Variants in NNMT observed in about 807,000 individuals in gnomAD.
NNMT encodes nicotinamide N-methyltransferase.
Under a neutral mutation model 11.7 loss-of-function variants are expected in NNMT, and 10 were observed. The observed-to-expected ratio is 0.85, with a 90% CI of 0.53 to 1.45. The LOEUF is 1.45. Ranked by LOEUF, NNMT falls within the 40% of genes most tolerant of loss-of-function variation. NNMT has a pLI of 0.00. For synonymous variants in NNMT, 143 were observed against 133.8 expected, an observed-to-expected ratio of 1.07 and a Z score of -0.48; for missense variants, 381 against 319.4, an observed-to-expected ratio of 1.19 and a Z score of -1.47.
intron 2 of NNMT, among the ~76,000 whole-genome samples, chr11:114,268,743 T>C (rs758855660): frequency 3.2e-5 from 4 of 126,500 alleles, no homozygotes; most frequent in African/African-American, 9.4e-5. Context: ...CACTCCAGCC[T>C]GGACGATGGA....
At chr11:114,296,238 AC>A, upstream of NNMT, 1 of 229,044 alleles carries the variant, frequency 4.4e-6, no homozygotes, top group East Asian at 8.5e-5. Context: ...CCTCTGGTCT[AC>A]AATCCCTGGC....
At chr11:114,309,415 C>G (rs1945527593) in intron 2 of NNMT, among the ~76,000 whole-genome samples, 1 of 152,174 alleles carries the variant, frequency 6.6e-6, no homozygotes, top group South Asian at 2.1e-4. Flanking sequence ...AGTGCTAAAA[C>G]TAGAAAAGTC....
At chr11:114,290,767 G>A (rs535400711) in intron 2 of NNMT, among the ~76,000 whole-genome samples, 1 of 152,176 alleles carries the variant, frequency 6.6e-6, no homozygotes, top group Non-Finnish European at 1.5e-5. Context: ...CTAGTGGCAA[G>A]CTTTTAGTTT....
intron 2 of NNMT, among the ~76,000 whole-genome samples, chr11:114,277,115 C>A (rs561648920): frequency 1.3e-5 from 2 of 152,030 alleles, no homozygotes; most frequent in African/African-American, 2.4e-5. Flanking sequence ...CCCAGCTACT[C>A]GGGAGGCTGA....
At chr11:114,263,664 G>GCCGTT (rs1197159800) in intron 2 of NNMT, among the ~76,000 whole-genome samples, 1 of 152,178 alleles carries the variant, frequency 6.6e-6, no homozygotes, top group Non-Finnish European at 1.5e-5. Context: ...TCCCCTGTAT[G>GCCGTT]CCGTTCAAAT....
At chr11:114,311,417 ATC>A (rs1400014823) in intron 2 of NNMT, among the ~76,000 whole-genome samples, 2 of 152,324 alleles carry the variant, frequency 1.3e-5, no homozygotes, top group African/African-American at 4.8e-5. Flanking sequence ...CAAAAACATG[ATC>A]TCTGTCAGAA....
chr11:114,304,029 A>G (rs1336698516), intron 2 of NNMT, among the ~76,000 whole-genome samples: 1 of 152,208 alleles, frequency 6.6e-6, no homozygotes, highest in East Asian at 1.9e-4. Flanking sequence ...AAATAATTTC[A>G]TACACCTTTT....
intron 2 of NNMT, chr11:114,262,945 G>A (rs556951342): frequency 6.6e-6 from 1 of 152,284 alleles, no homozygotes; most frequent in Admixed American, 6.5e-5. Flanking sequence ...GTAAGGGAAA[G>A]ATCTTCCCTA....
chr11:114,294,205 A>G (rs1009938929), upstream of NNMT, among the ~76,000 whole-genome samples: 1 of 152,110 alleles, frequency 6.6e-6, no homozygotes, highest in Admixed American at 6.6e-5. Flanking sequence ...GTTAGAGGCC[A>G]GGCGCAGTGG....
At chr11:114,305,947 T>C (rs894996039) in intron 2 of NNMT, among the ~76,000 whole-genome samples, 2 of 152,202 alleles carry the variant, frequency 1.3e-5, no homozygotes, top group African/African-American at 2.4e-5. Context: ...ATGGTTGAAC[T>C]AGTTTACAGT....
chr11:114,267,590 A>G (rs1945131665), intron 2 of NNMT, among the ~76,000 whole-genome samples: 1 of 152,212 alleles, frequency 6.6e-6, no homozygotes, highest in African/African-American at 2.4e-5. Flanking sequence ...ATAGAATAAT[A>G]TGATCAACCC....
rs949801704 is a variant in NNMT, at chr11:114,310,573, C to G, written c.363-1472C>G. 2.6e-5 allele frequency among the ~76,000 whole-genome samples: 4 copies of G among 152,366 alleles called. No individual in the cohort carries two copies. In the South Asian group the frequency reaches 8.3e-4, roughly 32 times the overall value. ...AACTGGAAATGGTCCCAGTGAAAGT[C>G]TCCCTCACTTGCTGGAATGTGGGGC... On this transcript the variant is annotated intron_variant, in intron 2 of 2. Coordinates refer to ENST00000299964, the MANE Select transcript of NNMT (RefSeq NM_006169.3).
chr11:114,261,987 C>G (rs1490020782), intron 1 of NNMT, among the ~76,000 whole-genome samples: 1 of 152,030 alleles, frequency 6.6e-6, no homozygotes, highest in African/African-American at 2.4e-5. Flanking sequence ...AGGCAGGCCT[C>G]GAAGGGTTTG....
At chr11:114,267,216 G>A (rs1945128733) in intron 2 of NNMT, among the ~76,000 whole-genome samples, 1 of 152,210 alleles carries the variant, frequency 6.6e-6, no homozygotes, top group African/African-American at 2.4e-5. Flanking sequence ...AGTTCACCAA[G>A]ATCACGTCAC....
intron 1 of NNMT, among the ~76,000 whole-genome samples, chr11:114,262,598 T>G (rs901786033): frequency 6.6e-6 from 1 of 152,146 alleles, no homozygotes. Context: ...TGACTGGAAG[T>G]GATCTTAGGA....
In NNMT at chr11:114,266,850, G is replaced by A. The variant is rs568838670; in HGVS notation, c.-130+3916G>A. On this transcript the variant is annotated intron_variant, in intron 2 of 4. Transcript: ENST00000535401. The stretch of plus-strand genomic sequence containing the variant: ...ACGGCATAAAGGCCCACACCAGATG[G>A]CTGGTGCCATGCCCTTGGACTTCCT... Among the ~76,000 whole-genome samples, 33 of 152,364 alleles carry A rather than the reference G, an allele frequency of 2.2e-4. 1 individual carries two copies. Among genetic ancestry groups the A allele is most frequent in the African/African-American group, 7.5e-4 (31 of 41,588 alleles).
chr11:114,305,277 G>A (rs990442746), intron 2 of NNMT, among the ~76,000 whole-genome samples: 26 of 152,094 alleles, frequency 1.7e-4, no homozygotes, highest in African/African-American at 6.0e-4. Context: ...GTTTTCCTTG[G>A]CCCTCTTGAC....
At chr11:114,263,739 A>G (rs1168754394) in intron 2 of NNMT, among the ~76,000 whole-genome samples, 1 of 152,262 alleles carries the variant, frequency 6.6e-6, no homozygotes, top group Non-Finnish European at 1.5e-5. Flanking sequence ...TAAAGGCAGA[A>G]GCCTGGACTT....
rs966459594 is a variant in NNMT at position 114,298,284 on chromosome 11, G to A, written c.362+126G>A. The A allele has an allele frequency of 1.2e-5, 9 of 773,882 alleles. No homozygotes were observed. In the South Asian group the frequency reaches 1.4e-4, roughly 12 times the overall value. 47.9% of individuals were successfully genotyped at this position (773,882 alleles called of 1,614,324 possible). A position where few individuals can be genotyped will look rare whatever the true frequency, so the allele number is the denominator to read the frequency against. ...AATGAGTGGTAACGAGAGAGCGAGAGCAAGAGAGATGAGATAGGCCCATGT... is the reference window on the plus strand; with the variant it reads ...AATGAGTGGTAACGAGAGAGCGAGAACAAGAGAGATGAGATAGGCCCATGT... On this transcript the variant is annotated intron_variant, in intron 2 of 2. Transcript: ENST00000299964.
Sources: allele counts gnomAD v4.1 joint callset (sites outside exome capture counted in the v4.1 genomes callset), GRCh38; gene constraint gnomAD v4.1.1; transcripts MANE v1.5; gene names NCBI Gene and HGNC (gene_info 2026-07-23, HGNC 2026-07-21).